NIM1K: variants seen among roughly 807,000 people sequenced by gnomAD.
NIM1K encodes serine/threonine-protein kinase NIM1.
Under a neutral mutation model 37.1 loss-of-function variants are expected in NIM1K, and 35 were observed. That is an observed-to-expected ratio of 0.94 (90% CI 0.72 to 1.25). The LOEUF is 1.25. NIM1K is among the 50% of genes most tolerant of loss of function. NIM1K has a pLI of 0.00. For synonymous variants in NIM1K, 234 were observed against 206.6 expected (o/e 1.13, Z -1.14); for missense variants, 564 against 548.0 (o/e 1.03, Z -0.29).
At chr5:43,208,929 G>A (rs1007903777) in intron 1 of NIM1K, among the ~76,000 whole-genome samples, 1 of 152,190 alleles carries the variant, frequency 6.6e-6, no homozygotes, top group Non-Finnish European at 1.5e-5. Context: ...ACATAAAGAA[G>A]GCAAGGAGCA....
intron 1 of NIM1K, chr5:43,206,600 GC>G: frequency 1.7e-6 from 1 of 606,046 alleles, no homozygotes; most frequent in South Asian, 1.8e-5. Flanking sequence ...ACGAGCAAGT[GC>G]TAGTCCTGGC....
intron 1 of NIM1K, among the ~76,000 whole-genome samples, chr5:43,222,680 A>G (rs1752397882): frequency 6.6e-6 from 1 of 151,890 alleles, no homozygotes; most frequent in Non-Finnish European, 1.5e-5. Flanking sequence ...GCTGCAGTGA[A>G]CTATGATCTT....
At chr5:43,256,764 A>C (rs766169382) in intron 2 of NIM1K, among the ~76,000 whole-genome samples, 10 of 152,244 alleles carry the variant, frequency 6.6e-5, no homozygotes, top group Non-Finnish European at 1.3e-4. Context: ...AAGTTAATGT[A>C]TAAATACTCC....
chr5:43,198,207 C>CTTTCTTTCCT (rs1281355308), intron 1 of NIM1K, among the ~76,000 whole-genome samples: 1 of 48,904 alleles, frequency 2.0e-5, no homozygotes, highest in East Asian at 6.9e-4. Flanking sequence ...TTCTTTCTTT[C>CTTTCTTTCCT]TCTTTCTTTC....
At chr5:43,218,308 GCCT>G (rs1396578460) in intron 1 of NIM1K, among the ~76,000 whole-genome samples, 1 of 152,150 alleles carries the variant, frequency 6.6e-6, no homozygotes, top group Non-Finnish European at 1.5e-5. Flanking sequence ...ACCGTGCCCG[GCCT>G]CCTCTGTCTA....
intron 2 of NIM1K, among the ~76,000 whole-genome samples, chr5:43,264,156 G>C (rs1484913237): frequency 2.0e-5 from 3 of 152,188 alleles, no homozygotes; most frequent in Admixed American, 6.5e-5. Flanking sequence ...GCAGAGCTGA[G>C]TTCAAGTCCT....
chr5:43,255,472 C>T (rs546757329), intron 2 of NIM1K, among the ~76,000 whole-genome samples: 21 of 152,122 alleles, frequency 1.4e-4, no homozygotes, highest in Middle Eastern at 6.8e-3. Context: ...AAAAGAGGGC[C>T]GGGCGCGGTC....
At chr5:43,234,405 C>T (rs1008560165) in intron 1 of NIM1K, among the ~76,000 whole-genome samples, 2 of 152,054 alleles carry the variant, frequency 1.3e-5, no homozygotes, top group East Asian at 1.9e-4. Flanking sequence ...TTTAGATATA[C>T]ACAAAAATGG....
chr5:43,277,260 G>A lies in NIM1K; in HGVS notation c.496G>A (p.Gly166Arg). The part of the protein sequence containing the change: ...GELFGKISTE[G>R]KLSEPESKLI... ...GCTCTTCGGAAAAATTAGCACTGAG[G>A]GGAAGCTCTCTGAACCAGAAAGCAA... The change falls in exon 3 of 4, where the codon GGG becomes AGG. Residue 166 changes from glycine to arginine, a missense_variant. Physicochemically the swap from Gly to Arg is moderately radical, Grantham distance 125. Coordinates refer to ENST00000326035, the MANE Select transcript of NIM1K (RefSeq NM_153361.4). 4 of 1,614,060 alleles carry A rather than the reference G, an allele frequency of 2.5e-6. No individual in the cohort carries two copies. Among genetic ancestry groups the A allele is most frequent in the Non-Finnish European group, 2.5e-6 (3 of 1,180,006 alleles).
chr5:43,238,433 T>C (rs1305800299), intron 1 of NIM1K, among the ~76,000 whole-genome samples: 1 of 152,010 alleles, frequency 6.6e-6, no homozygotes, highest in African/African-American at 2.4e-5. Flanking sequence ...GTTCTGGTTT[T>C]ATGGATCCAA....
Position 43,277,328 on chromosome 5 carries a change from G to A in NIM1K, c.561+3G>A, listed in dbSNP as rs377572451. 3 of 1,612,582 alleles carry A rather than the reference G, an allele frequency of 1.9e-6. No individual in the cohort carries two copies. Among genetic ancestry groups the A allele is most frequent in the Non-Finnish European group, 2.5e-6 (3 of 1,179,332 alleles). Reference sequence around the variant, plus strand: ...TTGTGTCTGCCGTGAAGCACATGGTGAGCAGGGGTGACGAGTGAGAACCTT... The same window carrying A: ...TTGTGTCTGCCGTGAAGCACATGGTAAGCAGGGGTGACGAGTGAGAACCTT... On this transcript the variant is annotated splice_donor_region_variant and intron_variant, in intron 3 of 3. Transcript: ENST00000326035.
At chr5:43,215,738 CT>C (rs1752290448) in intron 1 of NIM1K, among the ~76,000 whole-genome samples, 1 of 152,168 alleles carries the variant, frequency 6.6e-6, no homozygotes. Flanking sequence ...CTGGTCCCAT[CT>C]TTTCCTTTTA....
chr5:43,249,383 T>C (rs1752835151), intron 2 of NIM1K, among the ~76,000 whole-genome samples: 1 of 152,164 alleles, frequency 6.6e-6, no homozygotes, highest in African/African-American at 2.4e-5. Context: ...TCAGTCTTTT[T>C]GTTCTATTCA....
intron 1 of NIM1K, among the ~76,000 whole-genome samples, chr5:43,224,091 C>T (rs1032322862): frequency 2.0e-5 from 3 of 148,656 alleles, no homozygotes; most frequent in East Asian, 2.0e-4. Flanking sequence ...TTCTGGAGAA[C>T]GGGGTCTTGC....
intron 2 of NIM1K, among the ~76,000 whole-genome samples, chr5:43,269,939 A>T (rs1753230605): frequency 1.3e-5 from 2 of 152,080 alleles, no homozygotes; most frequent in Admixed American, 1.3e-4. Flanking sequence ...TTATTGTTTT[A>T]TAGGCCCTGT....
chr5:43,219,129 A>G (rs1752348124), intron 1 of NIM1K, among the ~76,000 whole-genome samples: 1 of 152,266 alleles, frequency 6.6e-6, no homozygotes, highest in South Asian at 2.1e-4. Flanking sequence ...CCATGATTGT[A>G]AGTTTCCTGA....
intron 1 of NIM1K, among the ~76,000 whole-genome samples, chr5:43,211,107 G>T (rs920334707): frequency 1.3e-5 from 2 of 150,716 alleles, no homozygotes; most frequent in Non-Finnish European, 2.9e-5. Context: ...AGGAGGCAAA[G>T]GTTGCAGTGA....
intron 2 of NIM1K, among the ~76,000 whole-genome samples, chr5:43,257,454 G>T (rs1290706192): frequency 7.1e-6 from 1 of 140,384 alleles, no homozygotes; most frequent in Non-Finnish European, 1.5e-5. Context: ...TGCAACCTCT[G>T]CCTTCTGGGT....
chr5:43,202,842 G>C (rs1752051027), intron 1 of NIM1K, among the ~76,000 whole-genome samples: 1 of 152,128 alleles, frequency 6.6e-6, no homozygotes, highest in East Asian at 1.9e-4. Flanking sequence ...ATTTTACAAT[G>C]TTCAGTGACC....
Sources: allele counts gnomAD v4.1 joint callset (sites outside exome capture counted in the v4.1 genomes callset), GRCh38; gene constraint gnomAD v4.1.1; transcripts MANE v1.5; gene names NCBI Gene and HGNC (gene_info 2026-07-23, HGNC 2026-07-21).